Variants in TMC7 observed in about 807,000 individuals in gnomAD.
The protein encoded by TMC7 is transmembrane channel-like protein 7.
In TMC7, 54 loss-of-function variants were observed where a neutral mutation model predicts 82.9. The ratio of observed to expected loss-of-function variants is 0.65; its 90% CI spans 0.52 to 0.82. The LOEUF is 0.82. TMC7 is among the 40% of genes least tolerant of loss of function. The pLI is 0.00. For synonymous variants in TMC7, 350 were observed against 337.9 expected (o/e 1.04, Z -0.39); for missense variants, 820 against 901.2 (o/e 0.91, Z 1.15).
chr16:19,047,270 G>A, intron 12 of TMC7, 21 bp downstream of exon 12: 1 of 1,609,116 alleles, frequency 6.2e-7, no homozygotes, highest in Non-Finnish European at 8.5e-7. Context: ...GGTGGGAATG[G>A]GGGCTCATAT....
chr16:19,042,967 C>G (rs1961090122), intron 9 of TMC7, among the ~76,000 whole-genome samples: 1 of 151,832 alleles, frequency 6.6e-6, no homozygotes, highest in African/African-American at 2.4e-5. Context: ...AGGATGGTCT[C>G]GATCTCCTGA....
Position 19,009,177 on chromosome 16 carries a change from C to T in TMC7, c.73C>T (p.Leu25Phe). ...CTTTCTTTTCTTTTACATAGAGAAC[C>T]TCTCTCTAGACTCCAGTTGCTTCTC... The part of the protein sequence containing the change: ...SRQPAVHPEN[L>F]SLDSSCFSSP... The change falls in exon 2 of 16, where the codon CTC becomes TTC. Residue 25 changes from leucine to phenylalanine, a missense_variant. Leu to Phe is a conservative substitution (Grantham distance 22). This residue lies in a region of TMC7 where 650 missense variants were observed against 669.9 expected (regional missense o/e 0.97). Coordinates refer to ENST00000304381, the MANE Select transcript of TMC7 (RefSeq NM_024847.4). 1 of 1,613,396 alleles carries T rather than the reference C, an allele frequency of 6.2e-7. No homozygotes were observed. Among genetic ancestry groups the T allele is most frequent in the Non-Finnish European group, 8.5e-7 (1 of 1,179,584 alleles).
chr16:19,054,740 C>CTTTTTT (rs71143826), intron 13 of TMC7, among the ~76,000 whole-genome samples: 4 of 63,144 alleles, frequency 6.3e-5, no homozygotes, highest in Non-Finnish European at 8.6e-5. Flanking sequence ...ATGGGATTTG[C>CTTTTTT]TTTTTTTTTT....
intron 1 of TMC7, among the ~76,000 whole-genome samples, chr16:19,007,321 G>C (rs1247321757): frequency 6.6e-6 from 1 of 152,168 alleles, no homozygotes; most frequent in Non-Finnish European, 1.5e-5. Context: ...GGCTGGAAAT[G>C]GCAGAGCATT....
Position 19,014,718 on chromosome 16 carries a change from C to G in TMC7, c.312-1732C>G, listed in dbSNP as rs1376656458. 2.0e-5 allele frequency among the ~76,000 whole-genome samples: 3 copies of G among 152,292 alleles called. No individual in the cohort carries two copies. The East Asian group carries it at 5.8e-4, about 29-fold the overall frequency. ...ACATCCCCTTTTGTAGCACTTCCCC[C>G]AGGGAGCTGTCGTTGTTGGACGTCA... is the stretch of plus-strand genomic sequence containing the variant. On this transcript the variant is annotated intron_variant, in intron 2 of 15. Transcript: ENST00000304381.
chr16:19,063,660 C>G lies in TMC7; in HGVS notation c.*1817C>G, dbSNP rs1227706995. The G allele has an allele frequency of 7.1e-6, 1 of 140,640 alleles. No individual in the cohort carries two copies. The highest frequency in any genetic ancestry group is 1.6e-5 in the Non-Finnish European group (1 of 64,228). 8.7% of individuals were successfully genotyped at this position (140,640 alleles called of 1,614,324 possible). A position where few individuals can be genotyped will look rare whatever the true frequency, so the allele number is the denominator to read the frequency against. On this transcript the variant is annotated 3_prime_UTR_variant, in exon 16 of 16. Transcript: ENST00000304381. ...CACTGTGACCAGACTTGATGATATT[C>G]AAGTTTTCTATTTGTGTGTGTGTGT...
chr16:19,046,522 G>A (rs61497017), intron 11 of TMC7, among the ~76,000 whole-genome samples: 2 of 152,090 alleles, frequency 1.3e-5, no homozygotes, highest in Non-Finnish European at 2.9e-5. Context: ...AGAGGCCAGA[G>A]GTCCAGTGAG....
At chr16:19,001,925 C>G (rs541331470) in intron 1 of TMC7, among the ~76,000 whole-genome samples, 1 of 152,164 alleles carries the variant, frequency 6.6e-6, no homozygotes, top group Non-Finnish European at 1.5e-5. Flanking sequence ...ATCCAGTGAC[C>G]TACAAGGTCC....
At position 18,983,997 on chromosome 16, in the gene TMC7, G is replaced by C. The variant is rs2038795629; in HGVS notation, c.-67G>C. ...CCCGGCTCCGCGAGGGAAGGCCGGGGAGGCGGCGGCGGCGGCGGCGGCTGG... is the reference window on the plus strand; with the variant it reads ...CCCGGCTCCGCGAGGGAAGGCCGGGCAGGCGGCGGCGGCGGCGGCGGCTGG... On this transcript the variant is annotated 5_prime_UTR_variant, in exon 1 of 16. Transcript: ENST00000304381. 1.5e-6 allele frequency: 2 copies of C among 1,357,652 alleles called. No homozygotes were observed. The highest frequency in any genetic ancestry group is 1.9e-6 in the Non-Finnish European group (2 of 1,058,940). The allele number at this position is 1,357,652 out of a possible 1,614,324, so 84.1% of individuals were successfully genotyped here.
At chr16:19,023,482 C>T (rs1030900596) in intron 5 of TMC7, among the ~76,000 whole-genome samples, 8 of 152,018 alleles carry the variant, frequency 5.3e-5, no homozygotes, top group Non-Finnish European at 7.4e-5. Context: ...AGTCTCGCTC[C>T]GTCGCCCAGG....
At chr16:19,030,146 C>A in intron 5 of TMC7, 78 bp from the exon 6 acceptor site, 1 of 1,462,156 alleles carries the variant, frequency 6.8e-7, no homozygotes, top group East Asian at 2.4e-5. Context: ...AACTTGTGTT[C>A]CTTGAGGCAG....
chr16:19,004,138 T>C (rs2039193143), intron 1 of TMC7, among the ~76,000 whole-genome samples: 1 of 151,216 alleles, frequency 6.6e-6, no homozygotes. Context: ...CTGGGAAAAG[T>C]GTGTGTTATA....
At chr16:18,990,565 G>A (rs1003509748) in intron 1 of TMC7, among the ~76,000 whole-genome samples, 10 of 152,316 alleles carry the variant, frequency 6.6e-5, no homozygotes, top group Middle Eastern at 3.4e-3. Context: ...CAGGCTTTGC[G>A]TGAGCAGCGT....
intron 11 of TMC7, among the ~76,000 whole-genome samples, chr16:19,045,878 G>T (rs1295589813): frequency 6.6e-6 from 1 of 151,996 alleles, no homozygotes; most frequent in Non-Finnish European, 1.5e-5. Flanking sequence ...TTATAGGCAT[G>T]AGCCACCGCG....
In TMC7 at chr16:19,059,400, C is replaced by CT; in HGVS notation, c.2028-15dup. On this transcript the variant is annotated splice_polypyrimidine_tract_variant and intron_variant, in intron 14 of 15. Coordinates refer to ENST00000304381, the MANE Select transcript of TMC7 (RefSeq NM_024847.4). ...TGATCCAGACTCCCTTGTGACCTGT[C>CT]TGTCTTGTGTTGCAGCCTCATCATG... 1 of 1,610,532 alleles carries CT rather than the reference C, an allele frequency of 6.2e-7. No individual in the cohort carries two copies. The highest frequency in any genetic ancestry group is 1.3e-5 in the African/African-American group (1 of 74,994).
rs778407569 is a variant in TMC7, at chr16:19,059,488, AT to A, written c.2101del (p.Ser701ProfsTer10). The A allele has an allele frequency of 1.2e-6, 2 of 1,614,134 alleles. No homozygotes were observed. Among genetic ancestry groups the A allele is most frequent in the African/African-American group, 2.7e-5 (2 of 75,048 alleles). The part of the protein sequence containing the change: ...RVVIQLREQL[S>X]LESRDKCYLI... ...TGGTCATCCAGCTCCGAGAGCAGCT[AT>A]CCCTGGTAAGGAAGCATAGCTCCAG... On this transcript the variant is annotated frameshift_variant, in exon 15 of 16. Transcript: ENST00000304381. LOFTEE classifies it high-confidence loss of function.
chr16:19,018,599 C>A (rs1487316718), intron 3 of TMC7, among the ~76,000 whole-genome samples: 1 of 152,010 alleles, frequency 6.6e-6, no homozygotes, highest in Non-Finnish European at 1.5e-5. Context: ...GGTGGGGACA[C>A]AATTCAGTCC....
At chr16:19,042,506 T>TA (rs988182616) in intron 9 of TMC7, among the ~76,000 whole-genome samples, 1 of 151,206 alleles carries the variant, frequency 6.6e-6, no homozygotes, top group Non-Finnish European at 1.5e-5. Context: ...TTCCTTCTTT[T>TA]TTTTTTTTTT....
At chr16:19,061,655 A>G in intron 15 of TMC7, 123 bp from the exon 16 acceptor site, 1 of 729,890 alleles carries the variant, frequency 1.4e-6, no homozygotes, top group South Asian at 2.1e-5. Flanking sequence ...ACACAATGAC[A>G]GACCAGATGA....
Sources: gnomAD v4.1 joint callset for allele counts (sites outside exome capture counted in the v4.1 genomes callset) on GRCh38, gnomAD v4.1.1 for gene constraint, gnomAD v4.1.1 regional missense constraint, MANE v1.5 for transcripts, NCBI Gene and HGNC (gene_info 2026-07-23, HGNC 2026-07-21) for gene names.